The following BANK1 variants were observed in gnomAD, a reference collection of about 807,000 sequenced individuals.
BANK1 encodes B cell scaffold protein with ankyrin repeats 1, also known as B-cell scaffold protein with ankyrin repeats.
A neutral mutation model predicts 94.5 loss-of-function variants in BANK1; 95 were observed. That is an observed-to-expected ratio of 1.00 (90% CI 0.85 to 1.19). BANK1 has a LOEUF of 1.19. BANK1 is among the 50% of genes most tolerant of loss of function. The probability of loss-of-function intolerance (pLI) is 0.00; values close to 1 mark genes in which losing one functional copy is unlikely to be tolerated. For synonymous variants in BANK1, 334 were observed against 308.4 expected (o/e 1.08, Z -0.87); for missense variants, 987 against 932.2 (o/e 1.06, Z -0.77).
chr4:101,860,604 T>C (rs2148876648), intron 3 of BANK1, among the ~76,000 whole-genome samples: 1 of 152,074 alleles, frequency 6.6e-6, no homozygotes, highest in South Asian at 2.1e-4. Flanking sequence ...GTAATTTTCA[T>C]GTCTTTAGTA....
chr4:101,886,287 C>T (rs540055155), intron 5 of BANK1, among the ~76,000 whole-genome samples: 25 of 152,184 alleles, frequency 1.6e-4, no homozygotes, highest in Non-Finnish European at 2.8e-4. Context: ...AGCACAGGCA[C>T]AGCCCCTTTT....
In BANK1 at chr4:101,918,456, C is replaced by T. The variant is rs150753601; in HGVS notation, c.1206+267C>T. ...CCTTCTCCTTCTCCCTGTTAAGTCC[C>T]AGTTCTGTCTTATGAAGGTTGAAGC... On this transcript the variant is annotated intron_variant, in intron 7 of 16. Coordinates refer to ENST00000322953, the MANE Select transcript of BANK1 (RefSeq NM_017935.5). Among the ~76,000 whole-genome samples, 629 of 152,046 alleles carry T rather than the reference C, an allele frequency of 4.1e-3. 4 individuals carry two copies. The highest frequency in any genetic ancestry group is 0.014 in the African/African-American group (570 of 41,540).
chr4:101,853,041 ATG>A (rs1018214345), intron 2 of BANK1, among the ~76,000 whole-genome samples: 1 of 152,032 alleles, frequency 6.6e-6, no homozygotes, highest in Non-Finnish European at 1.5e-5. Context: ...GTGTATGTCT[ATG>A]TGTGTGTGTA....
At chr4:101,803,997 C>CAAAAA (rs55704915) in intron 1 of BANK1, among the ~76,000 whole-genome samples, 65 of 68,392 alleles carry the variant, frequency 9.5e-4, no homozygotes, top group African/African-American at 3.8e-3. Context: ...GACTCCGTCT[C>CAAAAA]AAAAAAAAAA....
At chr4:101,845,435 G>T (rs1459908543) in intron 2 of BANK1, among the ~76,000 whole-genome samples, 2 of 152,126 alleles carry the variant, frequency 1.3e-5, no homozygotes, top group Non-Finnish European at 2.9e-5. Flanking sequence ...AAAGCCTGCT[G>T]TCAAAATTCA....
At position 102,044,850 on chromosome 4, in the gene BANK1, A is replaced by G. The variant is rs1578476478; in HGVS notation, c.1969+943A>G. On this transcript the variant is annotated intron_variant, in intron 11 of 16. Transcript: ENST00000322953. ...GTCTTCTTTTGAGAAGTGTCTGTTC[A>G]TGTCCTTCGCCCACTTTTTGATGGG... Among the ~76,000 whole-genome samples, 4 of 113,808 alleles carry G rather than the reference A, an allele frequency of 3.5e-5. No individual in the cohort carries two copies. In the East Asian group the frequency reaches 9.3e-4, roughly 26 times the overall value. 74.7% of individuals were successfully genotyped at this position (113,808 alleles called of 152,430 possible).
At position 101,995,579 on chromosome 4, in the gene BANK1, C is replaced by T. The variant is rs532020273; in HGVS notation, c.1207-25935C>T. Among the ~76,000 whole-genome samples, 116 of 152,234 alleles carry T rather than the reference C, an allele frequency of 7.6e-4. 1 individual carries two copies. Among genetic ancestry groups the T allele is most frequent in the African/African-American group, 2.6e-3 (109 of 41,516 alleles). ...TCCCACCAACAGTGTAAAAGTGTTCCTATTTCTCCACATCCTCTCCAGCAT... is the reference window on the plus strand; with the variant it reads ...TCCCACCAACAGTGTAAAAGTGTTCTTATTTCTCCACATCCTCTCCAGCAT... On this transcript the variant is annotated intron_variant, in intron 7 of 16. Transcript: ENST00000322953.
In BANK1 at chr4:101,792,614, T is replaced by C. The variant is rs566420998; in HGVS notation, c.70+1664T>C. Among the ~76,000 whole-genome samples, 4 of 152,140 alleles carry C rather than the reference T, an allele frequency of 2.6e-5. No homozygotes were observed. The East Asian group carries it at 7.7e-4, about 29-fold the overall frequency. The stretch of plus-strand genomic sequence containing the variant: ...GAGTTGCTCATGGTTTCATAACTAG[T>C]AATTATTTGAAGGTCACCCATTCAT... On this transcript the variant is annotated intron_variant, in intron 1 of 16. Transcript: ENST00000322953.
At chr4:101,891,866 T>A (rs2148889712) in intron 5 of BANK1, among the ~76,000 whole-genome samples, 1 of 152,180 alleles carries the variant, frequency 6.6e-6, no homozygotes, top group South Asian at 2.1e-4. Context: ...TTGCTGAGAA[T>A]TTCTGTTTTC....
chr4:101,845,834 C>A (rs901749211), intron 2 of BANK1, among the ~76,000 whole-genome samples: 5 of 152,144 alleles, frequency 3.3e-5, no homozygotes, highest in African/African-American at 1.2e-4. Flanking sequence ...GACATTTTTA[C>A]TAGAGATTTG....
At chr4:101,896,976 G>T (rs1348630157) in intron 6 of BANK1, among the ~76,000 whole-genome samples, 1 of 151,940 alleles carries the variant, frequency 6.6e-6, no homozygotes. Context: ...CTTGAATAAT[G>T]TTCCAATGTA....
Position 101,979,153 on chromosome 4 carries a change from GAT to G in BANK1, c.1207-42359_1207-42358del, listed in dbSNP as rs558802554. 3.3e-5 allele frequency among the ~76,000 whole-genome samples: 5 copies of G among 152,000 alleles called. No individual in the cohort carries two copies. In the South Asian group the frequency reaches 1.0e-3, roughly 31 times the overall value. On this transcript the variant is annotated intron_variant, in intron 7 of 16. Coordinates refer to ENST00000322953, the MANE Select transcript of BANK1 (RefSeq NM_017935.5). ...ATAAGATGAGAAGAAATAAATTTAA[GAT>G]AAAGTTTGCAAGATAATACCTGATG... is the stretch of plus-strand genomic sequence containing the variant.
chr4:101,840,215 G>A (rs1417921678), intron 2 of BANK1, among the ~76,000 whole-genome samples: 2 of 151,242 alleles, frequency 1.3e-5, no homozygotes, highest in East Asian at 1.9e-4. Context: ...TGATCCGCCC[G>A]CCTCGGCCTC....
At position 102,063,818 on chromosome 4, in the gene BANK1, C is replaced by CAA. The variant is rs1205075236; in HGVS notation, c.2212+696_2212+697dup. ...TGGGTGACAGAGCAAGACTCTATCT[C>CAA]AAAAAAAAAAAAAAAAAGAAATGAA... is the stretch of plus-strand genomic sequence containing the variant. On this transcript the variant is annotated intron_variant, in intron 13 of 16. Transcript: ENST00000322953. Among the ~76,000 whole-genome samples the CAA allele has an allele frequency of 6.6e-3, 469 of 71,314 alleles. 3 individuals carry two copies. Among genetic ancestry groups the CAA allele is most frequent in the African/African-American group, 0.022 (433 of 19,802 alleles). 46.8% of individuals were successfully genotyped at this position (71,314 alleles called of 152,430 possible).
chr4:102,053,434 T>G (rs182200773), intron 11 of BANK1, among the ~76,000 whole-genome samples: 23 of 152,204 alleles, frequency 1.5e-4, no homozygotes, highest in African/African-American at 4.3e-4. Context: ...ATTAAAAAAT[T>G]AGAGAATCTG....
intron 7 of BANK1, among the ~76,000 whole-genome samples, chr4:101,946,175 A>G (rs184701684): frequency 2.0e-5 from 3 of 152,130 alleles, no homozygotes; most frequent in Non-Finnish European, 4.4e-5. Flanking sequence ...TCCACACAAT[A>G]AGAAGACATC....
chr4:101,970,853 A>G (rs966667064), intron 7 of BANK1, among the ~76,000 whole-genome samples: 1 of 152,072 alleles, frequency 6.6e-6, no homozygotes, highest in South Asian at 2.1e-4. Context: ...TAAGAAGTAA[A>G]CATGATTTCC....
chr4:101,825,559 G>A (rs1404135664), intron 1 of BANK1, among the ~76,000 whole-genome samples: 1 of 152,080 alleles, frequency 6.6e-6, no homozygotes, highest in Non-Finnish European at 1.5e-5. Context: ...GCTCTGATAA[G>A]TAACTTAACC....
At chr4:101,801,723 A>T (rs1026273292) in intron 1 of BANK1, among the ~76,000 whole-genome samples, 12 of 152,162 alleles carry the variant, frequency 7.9e-5, no homozygotes, top group Non-Finnish European at 1.8e-4. Flanking sequence ...TGATTTATTC[A>T]TATTTCTCTT....
Sources: gnomAD v4.1 joint callset for allele counts (sites outside exome capture counted in the v4.1 genomes callset) on GRCh38, gnomAD v4.1.1 for gene constraint, MANE v1.5 for transcripts, NCBI Gene and HGNC (gene_info 2026-07-23, HGNC 2026-07-21) for gene names.